PCDHA9: variants seen among roughly 807,000 people sequenced by gnomAD.
The protein encoded by PCDHA9 is protocadherin alpha-9.
PCDHA9 carries 62 observed loss-of-function variants against 62.0 expected under a neutral mutation model. That is an observed-to-expected ratio of 1.00 (90% confidence interval 0.81 to 1.23). PCDHA9 has a LOEUF of 1.23. Among genes scored for constraint, PCDHA9 ranks in the 50% most tolerant of loss-of-function variants. The probability of loss-of-function intolerance (pLI) is 0.00; values close to 1 mark genes in which losing one functional copy is unlikely to be tolerated. For missense variants in PCDHA9, 1,205 were observed against 1,249.8 expected, an observed-to-expected ratio of 0.96 and a Z score of 0.54; for synonymous variants, 557 against 567.6, an observed-to-expected ratio of 0.98 and a Z score of 0.27.
chr5:141,006,789 CT>C (rs2098288759), intron 3 of PCDHA9, among the ~76,000 whole-genome samples: 2 of 152,026 alleles, frequency 1.3e-5, no homozygotes, highest in Admixed American at 6.5e-5. Flanking sequence ...GAATAATTAG[CT>C]TTGAACTTTC....
At chr5:140,998,881 T>C (rs892142070) in intron 3 of PCDHA9, among the ~76,000 whole-genome samples, 13 of 152,224 alleles carry the variant, frequency 8.5e-5, no homozygotes, top group Admixed American at 2.6e-4. Flanking sequence ...ATAAGTTTAG[T>C]TGAATAAATA....
chr5:140,913,164 T>C (rs1211762965), intron 1 of PCDHA9, among the ~76,000 whole-genome samples: 1 of 152,208 alleles, frequency 6.6e-6, no homozygotes, highest in Non-Finnish European at 1.5e-5. Flanking sequence ...GGATTGGTAT[T>C]AGTTCTTCTT....
chr5:140,858,282 G>A (rs782040852), intron 1 of PCDHA9: 1 of 1,597,598 alleles, frequency 6.3e-7, no homozygotes, highest in Admixed American at 1.7e-5. Context: ...GCGGTGGGGA[G>A]CTGGTCTTAC....
chr5:140,879,596 A>G (rs1324407694), intron 1 of PCDHA9, among the ~76,000 whole-genome samples: 1 of 152,240 alleles, frequency 6.6e-6, no homozygotes, highest in East Asian at 1.9e-4. Flanking sequence ...TGAAAAGTGA[A>G]AAACAATGTG....
intron 1 of PCDHA9, among the ~76,000 whole-genome samples, chr5:140,963,686 G>A (rs181667037): frequency 2.7e-4 from 41 of 152,226 alleles, no homozygotes; most frequent in Middle Eastern, 3.4e-3. Flanking sequence ...GTGTTTATCC[G>A]TGTTTGATAT....
chr5:140,883,226 G>A, intron 1 of PCDHA9: 2 of 1,613,938 alleles, frequency 1.2e-6, no homozygotes, highest in South Asian at 1.1e-5. Flanking sequence ...TGAAATATCC[G>A]TGGAGGCAGT....
intron 1 of PCDHA9, among the ~76,000 whole-genome samples, chr5:140,956,898 T>G (rs1554222699): frequency 6.6e-6 from 1 of 152,218 alleles, no homozygotes; most frequent in Admixed American, 6.6e-5. Flanking sequence ...ATGAATATTC[T>G]TAAATGTATA....
intron 1 of PCDHA9, chr5:140,857,521 CTCTCT>C: frequency 6.3e-7 from 1 of 1,598,106 alleles, no homozygotes; most frequent in Non-Finnish European, 8.6e-7. Flanking sequence ...TGGTGTCCTA[CTCTCT>C]GGTGGAGCGG....
Position 140,852,095 on chromosome 5 carries a change from A to T in PCDHA9, c.2394+1206A>T. The stretch of plus-strand genomic sequence containing the variant: ...CAGCTATTTTATTTAATATTGTGTC[A>T]GATATTTTACAAGGTATGACCTAAT... On this transcript the variant is annotated intron_variant, in intron 1 of 3. Transcript: ENST00000532602. 16 of 908,222 alleles carry T rather than the reference A, an allele frequency of 1.8e-5. 1 individual carries two copies. Among genetic ancestry groups the T allele is most frequent in the Non-Finnish European group, 2.1e-5 (16 of 745,934 alleles). The allele number at this position is 908,222 out of a possible 1,614,324, so 56.3% of individuals were successfully genotyped here.
intron 3 of PCDHA9, among the ~76,000 whole-genome samples, chr5:140,995,010 T>A (rs1382186138): frequency 6.6e-6 from 1 of 152,156 alleles, no homozygotes; most frequent in Non-Finnish European, 1.5e-5. Context: ...TTGTTTATAT[T>A]TAGGAAAGAA....
At chr5:140,980,278 GA>G (rs1351425532) in intron 2 of PCDHA9, among the ~76,000 whole-genome samples, 1 of 152,166 alleles carries the variant, frequency 6.6e-6, no homozygotes, top group Non-Finnish European at 1.5e-5. Flanking sequence ...ACCAACTCTT[GA>G]AAAGTACCAA....
chr5:140,945,425 G>T (rs246059), intron 1 of PCDHA9, among the ~76,000 whole-genome samples: 85,681 of 151,722 alleles, frequency 0.56, 24,785 homozygotes, highest in African/African-American at 0.69. Flanking sequence ...TTTCAATGAA[G>T]TTTTTACAGA....
chr5:140,883,511 C>T (rs782295526), intron 1 of PCDHA9: 22 of 1,614,068 alleles, frequency 1.4e-5, no homozygotes, highest in Non-Finnish European at 1.8e-5. Flanking sequence ...CGCCCTGGAC[C>T]GCGAGAGCGT....
chr5:140,945,850 T>G (rs1472612975), intron 1 of PCDHA9, among the ~76,000 whole-genome samples: 1 of 152,102 alleles, frequency 6.6e-6, no homozygotes, highest in Non-Finnish European at 1.5e-5. Context: ...ATTAAAGACT[T>G]AAACATAGAC....
intron 1 of PCDHA9, chr5:140,967,098 G>C: frequency 6.2e-7 from 1 of 1,613,130 alleles, no homozygotes; most frequent in Non-Finnish European, 8.5e-7. Flanking sequence ...GAGGCGCTGT[G>C]TGAGCAGCGG....
At chr5:140,974,264 C>A (rs2096620873) in intron 1 of PCDHA9, among the ~76,000 whole-genome samples, 1 of 152,168 alleles carries the variant, frequency 6.6e-6, no homozygotes, top group African/African-American at 2.4e-5. Flanking sequence ...CCTTTCTGGC[C>A]TTCCAGGGTC....
rs782169362 is a variant in PCDHA9 at position 140,979,015 on chromosome 5, T to A, written c.2453+8T>A. The A allele has an allele frequency of 6.2e-7, 1 of 1,613,920 alleles. No homozygotes were observed. Among genetic ancestry groups the A allele is most frequent in the Non-Finnish European group, 8.5e-7 (1 of 1,179,908 alleles). On this transcript the variant is annotated splice_region_variant and intron_variant, in intron 2 of 3. Coordinates refer to ENST00000532602, the MANE Select transcript of PCDHA9 (RefSeq NM_031857.2). ...GAGAGCAGGCATGCACAGGTATGTA[T>A]TTCCCTCCTCATTCACTCAGAAGTA...
At chr5:140,852,883 G>C in intron 1 of PCDHA9, 1 of 933,168 alleles carries the variant, frequency 1.1e-6, no homozygotes. Flanking sequence ...ATCATAAAAC[G>C]TATTTTTTTT....
chr5:140,983,211 T>C (rs1429696975), intron 3 of PCDHA9, among the ~76,000 whole-genome samples: 1 of 152,204 alleles, frequency 6.6e-6, no homozygotes, highest in African/African-American at 2.4e-5. Context: ...AGGGACTATT[T>C]CCTAATCCAA....
Sources: gnomAD v4.1 joint callset for allele counts (sites outside exome capture counted in the v4.1 genomes callset) on GRCh38, gnomAD v4.1.1 for gene constraint, MANE v1.5 for transcripts, NCBI Gene and HGNC (gene_info 2026-07-23, HGNC 2026-07-21) for gene names.